Variants in TRPM3 observed in about 807,000 individuals in gnomAD.
TRPM3 encodes long transient receptor potential channel 3.
A neutral mutation model predicts 181.2 loss-of-function variants in TRPM3; 77 were observed. The observed-to-expected ratio is 0.42, with a 90% CI of 0.35 to 0.51. TRPM3 has a LOEUF of 0.51. Ranked by LOEUF, TRPM3 falls within the 20% of genes least tolerant of loss-of-function variation. TRPM3 has a pLI of 0.01. For missense variants in TRPM3, 1,759 were observed against 2,196.7 expected (o/e 0.80, Z 3.98); for synonymous variants, 745 against 796.4 (o/e 0.94, Z 1.09).
At position 70,890,093 on chromosome 9, in the gene TRPM3, A is replaced by C. The variant is rs573223462; in HGVS notation, c.178-25582T>G. ...TAGTGTACTATATACTATATAGTAT[A>C]TATATAGTCAATAGTACAAAATATA... is the stretch of plus-strand genomic sequence containing the variant. On this transcript the variant is annotated intron_variant, in intron 1 of 25. Transcript: ENST00000677713. Among the ~76,000 whole-genome samples the C allele has an allele frequency of 2.9e-4, 43 of 148,600 alleles. No homozygotes were observed. In the South Asian group the frequency reaches 8.6e-3, roughly 30 times the overall value.
intron 1 of TRPM3, among the ~76,000 whole-genome samples, chr9:70,938,570 C>T (rs921937682): frequency 6.6e-6 from 1 of 152,098 alleles, no homozygotes; most frequent in Non-Finnish European, 1.5e-5. Flanking sequence ...TTGTCAGCCC[C>T]CTTCTCGGCG....
intron 9 of TRPM3, among the ~76,000 whole-genome samples, chr9:70,680,342 G>A (rs1802324278): frequency 6.6e-6 from 1 of 152,182 alleles, no homozygotes; most frequent in African/African-American, 2.4e-5. Flanking sequence ...GTTGAGCATG[G>A]TAGCACATGA....
At chr9:70,630,063 T>G (rs971406931) in intron 12 of TRPM3, among the ~76,000 whole-genome samples, 1 of 152,144 alleles carries the variant, frequency 6.6e-6, no homozygotes, top group African/African-American at 2.4e-5. Flanking sequence ...AGATGATGCA[T>G]TTGCATTGCT....
intron 1 of TRPM3, among the ~76,000 whole-genome samples, chr9:70,928,873 T>C (rs897760618): frequency 6.6e-6 from 1 of 152,200 alleles, no homozygotes; most frequent in Non-Finnish European, 1.5e-5. Context: ...ACCTAGAGTC[T>C]AGTTTGAATG....
chr9:70,685,817 G>A (rs1392836860), intron 8 of TRPM3, among the ~76,000 whole-genome samples: 1 of 151,818 alleles, frequency 6.6e-6, no homozygotes, highest in Non-Finnish European at 1.5e-5. Context: ...TGACTTCCTA[G>A]TCAATTTATT....
At chr9:71,426,235 C>A (rs1412564971) in intron 1 of TRPM3, among the ~76,000 whole-genome samples, 1 of 151,412 alleles carries the variant, frequency 6.6e-6, no homozygotes, top group Non-Finnish European at 1.5e-5. Context: ...TAAGAATTTG[C>A]AAAATGACAT....
intron 25 of TRPM3, among the ~76,000 whole-genome samples, chr9:70,538,121 G>A (rs1314575265): frequency 6.6e-6 from 1 of 152,136 alleles, no homozygotes; most frequent in East Asian, 1.9e-4. Flanking sequence ...ATTTAACCAA[G>A]ATTGCATAAA....
chr9:71,370,076 G>A (rs1412840442), intron 1 of TRPM3, among the ~76,000 whole-genome samples: 1 of 152,140 alleles, frequency 6.6e-6, no homozygotes, highest in Non-Finnish European at 1.5e-5. Flanking sequence ...GAAGTTAATT[G>A]ATAAATTCGT....
At chr9:71,305,258 AAGC>A (rs1351295082) in intron 1 of TRPM3, among the ~76,000 whole-genome samples, 3 of 152,246 alleles carry the variant, frequency 2.0e-5, no homozygotes, top group African/African-American at 7.2e-5. Flanking sequence ...AATGCTGTAA[AAGC>A]AGAGGAAAGC....
Position 70,536,105 on chromosome 9 carries a change from C to G in TRPM3, c.5008G>C (p.Asp1670His), listed in dbSNP as rs939460352. ...GTGTTCCGCTGCCTGTCGAGTTTGT[C>G]ACTGATGGAGAAGCTCTTCCTGGTG... Reference protein sequence around the residue: ...AHTRKSFSISDKLDRQRNTAS... With the variant: ...AHTRKSFSISHKLDRQRNTAS... Residue 1670 changes from aspartate to histidine, a missense_variant, in exon 26 of 26, where the codon GAC becomes CAC. Physicochemically the swap from Asp to His is moderately conservative, Grantham distance 81. Coordinates refer to ENST00000677713, the MANE Select transcript of TRPM3 (RefSeq NM_001366145.2). 1.2e-6 allele frequency: 2 copies of G among 1,614,062 alleles called. No individual in the cohort carries two copies. The highest frequency in any genetic ancestry group is 1.3e-5 in the African/African-American group (1 of 74,922).
chr9:71,188,783 C>A (rs2077836644), intron 1 of TRPM3, among the ~76,000 whole-genome samples: 1 of 151,908 alleles, frequency 6.6e-6, no homozygotes, highest in Non-Finnish European at 1.5e-5. Context: ...GAACAAGTTA[C>A]TCAACAACTT....
chr9:70,646,887 A>AAC (rs1554800463), intron 9 of TRPM3, among the ~76,000 whole-genome samples: 23,550 of 147,550 alleles, frequency 0.16, 2,360 homozygotes, highest in East Asian at 0.39. Context: ...AAAAAAAAAA[A>AAC]AAAACCCTCA....
At chr9:71,357,791 T>G (rs2091966938) in intron 1 of TRPM3, among the ~76,000 whole-genome samples, 1 of 152,090 alleles carries the variant, frequency 6.6e-6, no homozygotes, top group Admixed American at 6.6e-5. Flanking sequence ...TTCCTCTTCT[T>G]TATACAGAGA....
intron 19 of TRPM3, among the ~76,000 whole-genome samples, chr9:70,604,513 T>C (rs969746655): frequency 5.3e-5 from 8 of 152,130 alleles, no homozygotes; most frequent in Non-Finnish European, 1.2e-4. Flanking sequence ...TAGCAAAGAA[T>C]AGACACAGTG....
intron 3 of TRPM3, among the ~76,000 whole-genome samples, chr9:70,855,455 C>T (rs1258678792): frequency 1.3e-5 from 2 of 152,202 alleles, no homozygotes; most frequent in Non-Finnish European, 2.9e-5. Context: ...TGTAAAGGAA[C>T]TGCAGAACAA....
At position 70,621,166 on chromosome 9, in the gene TRPM3, T is replaced by C. The variant is rs575366475; in HGVS notation, c.1839+78A>G. 8.2e-6 allele frequency: 5 copies of C among 609,198 alleles called. No homozygotes were observed. In the African/African-American group the frequency reaches 1.0e-4, roughly 12 times the overall value. The allele number at this position is 609,198 out of a possible 1,614,324, so 37.7% of individuals were successfully genotyped here. A position where few individuals can be genotyped will look rare whatever the true frequency, so the allele number is the denominator to read the frequency against. On this transcript the variant is annotated intron_variant, in intron 15 of 25. Coordinates refer to ENST00000677713, the MANE Select transcript of TRPM3 (RefSeq NM_001366145.2). ...TACACTATATATTATTTTATATATA[T>C]ACTATATATGTAGCATATATATAAT...
At chr9:70,864,231 T>A (rs2095588906) in intron 2 of TRPM3, among the ~76,000 whole-genome samples, 1 of 152,094 alleles carries the variant, frequency 6.6e-6, no homozygotes, top group Non-Finnish European at 1.5e-5. Context: ...TTTTTCTTTA[T>A]CGGCTCTTAG....
chr9:70,625,497 A>T lies in TRPM3; in HGVS notation c.1653T>A (p.Gly551=). 6.2e-7 allele frequency: 1 copy of T among 1,612,754 alleles called. No individual in the cohort carries two copies. Among genetic ancestry groups the T allele is most frequent in the Non-Finnish European group, 8.5e-7 (1 of 1,179,608 alleles). The change falls in exon 13 of 26, where the codon GGT becomes GGA. Residue 551 remains glycine (G), a synonymous_variant. Transcript: ENST00000677713. The surrounding 1 kb of genome is among the most constrained non-coding windows in gnomAD (Gnocchi z 4.8). The stretch of plus-strand genomic sequence containing the variant: ...ATTAATTCACCTTAAAATAGATCCA[A>T]CCGAAACCTGGATACTCTCGCTTGG... ...DVKKREYPGF[G]WIYFKGNLPP...
At chr9:71,140,884 C>T (rs1179333644) in intron 1 of TRPM3, among the ~76,000 whole-genome samples, 1 of 152,200 alleles carries the variant, frequency 6.6e-6, no homozygotes, top group African/African-American at 2.4e-5. Context: ...AATAAGGAAA[C>T]TGGCTCTGCC....
Sources: allele counts gnomAD v4.1 joint callset (sites outside exome capture counted in the v4.1 genomes callset), GRCh38; gene constraint gnomAD v4.1.1; non-coding constraint Gnocchi (gnomAD v3.1); transcripts MANE v1.5; gene names NCBI Gene and HGNC (gene_info 2026-07-23, HGNC 2026-07-21).